PTPRD: variants seen among roughly 807,000 people sequenced by gnomAD.
The protein encoded by PTPRD is protein tyrosine phosphatase receptor type D, also known as receptor-type tyrosine-protein phosphatase delta.
Under a neutral mutation model 214.5 loss-of-function variants are expected in PTPRD, and 34 were observed. The ratio of observed to expected loss-of-function variants is 0.16; its 90% CI spans 0.12 to 0.21. The LOEUF (loss-of-function observed/expected upper bound fraction) is 0.21. Ranked by LOEUF, PTPRD falls within the 10% of genes least tolerant of loss-of-function variation. The pLI, the probability that PTPRD is intolerant of heterozygous loss-of-function variation, is 1.00. For synonymous variants in PTPRD, 1,128 were observed against 845.7 expected (o/e 1.33, Z -5.79); for missense variants, 2,545 against 2,398.7 (o/e 1.06, Z -1.27).
chr9:9,595,817 G>T (rs1305743758), intron 7 of PTPRD, among the ~76,000 whole-genome samples: 2 of 151,888 alleles, frequency 1.3e-5, no homozygotes, highest in African/African-American at 2.4e-5. Context: ...GGGGGAGAAG[G>T]ATAAAAGACT....
At chr9:10,290,606 C>T (rs2095500004) in intron 3 of PTPRD, among the ~76,000 whole-genome samples, 2 of 151,962 alleles carry the variant, frequency 1.3e-5, no homozygotes, top group Admixed American at 1.3e-4. Flanking sequence ...ATTATTGACT[C>T]CTGCAATAGG....
At chr9:8,459,129 G>A (rs2096302275) in intron 33 of PTPRD, among the ~76,000 whole-genome samples, 1 of 151,874 alleles carries the variant, frequency 6.6e-6, no homozygotes, top group South Asian at 2.1e-4. Context: ...GTTATTCCAG[G>A]GACAGAAGAG....
At position 8,538,670 on chromosome 9, in the gene PTPRD, T is replaced by C. The variant is rs185625133; in HGVS notation, c.353-9891A>G. On this transcript the variant is annotated intron_variant, in intron 14 of 45. Coordinates refer to ENST00000381196, the MANE Select transcript of PTPRD (RefSeq NM_002839.4). ...ACATATACTATACATATTTTAAATA[T>C]ATATGTATACATATATATATGACTT... Among the ~76,000 whole-genome samples, 531 of 151,402 alleles carry C rather than the reference T, an allele frequency of 3.5e-3. 1 individual carries two copies. Among genetic ancestry groups the C allele is most frequent in the African/African-American group, 4.5e-3 (187 of 41,378 alleles).
chr9:9,749,197 A>G (rs1767335140), intron 6 of PTPRD, among the ~76,000 whole-genome samples: 1 of 152,012 alleles, frequency 6.6e-6, no homozygotes, highest in South Asian at 2.1e-4. Context: ...TTCAAATCTC[A>G]GTCAATTTCT....
intron 8 of PTPRD, among the ~76,000 whole-genome samples, chr9:9,452,139 A>G (rs1466459835): frequency 6.6e-6 from 1 of 151,470 alleles, no homozygotes; most frequent in Non-Finnish European, 1.5e-5. Context: ...AATGCCAAAA[A>G]CAAAGAGATA....
chr9:9,260,268 T>TA (rs1316519124), intron 9 of PTPRD, among the ~76,000 whole-genome samples: 1 of 151,766 alleles, frequency 6.6e-6, no homozygotes, highest in East Asian at 2.0e-4. Flanking sequence ...ACTTGAAATA[T>TA]GGAAACATTA....
chr9:8,581,793 G>A (rs1594466199), intron 14 of PTPRD, among the ~76,000 whole-genome samples: 1 of 141,396 alleles, frequency 7.1e-6, no homozygotes, highest in South Asian at 2.3e-4. Context: ...GGGGAGGGGA[G>A]GAGAGGTGAG....
In PTPRD at chr9:9,947,728, G is replaced by A. The variant is rs907790903; in HGVS notation, c.-471-9118C>T. Among the ~76,000 whole-genome samples, 3 of 138,520 alleles carry A rather than the reference G, an allele frequency of 2.2e-5. No individual in the cohort carries two copies. The Admixed American group carries it at 2.5e-4, about 12-fold the overall frequency. 90.9% of individuals were successfully genotyped at this position (138,520 alleles called of 152,430 possible). A position where few individuals can be genotyped will look rare whatever the true frequency, so the allele number is the denominator to read the frequency against. ...TTTGGTTCTAAGGACTAAAATACTT[G>A]AAGTTAGCACTGTTGTGAGAAGTTC... On this transcript the variant is annotated intron_variant, in intron 4 of 45. Coordinates refer to ENST00000381196, the MANE Select transcript of PTPRD (RefSeq NM_002839.4).
At chr9:9,648,450 G>A (rs958028103) in intron 7 of PTPRD, among the ~76,000 whole-genome samples, 3 of 152,174 alleles carry the variant, frequency 2.0e-5, no homozygotes, top group African/African-American at 7.2e-5. Context: ...TTTATCTAAT[G>A]AGGAAGTGAG....
chr9:9,363,324 T>C (rs937374144), intron 9 of PTPRD, among the ~76,000 whole-genome samples: 1 of 151,170 alleles, frequency 6.6e-6, no homozygotes, highest in Non-Finnish European at 1.5e-5. Context: ...GACCCAGATT[T>C]AGAAATCCTC....
At chr9:9,672,637 T>A (rs987504263) in intron 7 of PTPRD, among the ~76,000 whole-genome samples, 1 of 152,076 alleles carries the variant, frequency 6.6e-6, no homozygotes, top group Non-Finnish European at 1.5e-5. Flanking sequence ...TGAAGTAAAT[T>A]TTTGAGCTCT....
At chr9:9,961,877 T>G (rs1329775686) in intron 4 of PTPRD, among the ~76,000 whole-genome samples, 1 of 152,160 alleles carries the variant, frequency 6.6e-6, no homozygotes, top group African/African-American at 2.4e-5. Flanking sequence ...TTATTTCCAC[T>G]AGTGCTTTTA....
chr9:9,711,247 GAA>G (rs2097723436), intron 7 of PTPRD, among the ~76,000 whole-genome samples: 2 of 152,266 alleles, frequency 1.3e-5, no homozygotes, highest in South Asian at 4.1e-4. Context: ...TTTGTGAGCA[GAA>G]ATATGCCATA....
intron 8 of PTPRD, among the ~76,000 whole-genome samples, chr9:9,561,362 C>A (rs1011171906): frequency 6.6e-6 from 1 of 152,208 alleles, no homozygotes; most frequent in African/African-American, 2.4e-5. Context: ...AAGCTGTAAC[C>A]TAAACAGTGT....
At chr9:8,718,283 G>C (rs1294940602) in intron 12 of PTPRD, among the ~76,000 whole-genome samples, 1 of 152,146 alleles carries the variant, frequency 6.6e-6, no homozygotes, top group Non-Finnish European at 1.5e-5. Flanking sequence ...AGGGGTGTCA[G>C]ATTCATTTGT....
At chr9:10,059,584 G>T (rs901251522) in intron 3 of PTPRD, among the ~76,000 whole-genome samples, 9 of 152,078 alleles carry the variant, frequency 5.9e-5, no homozygotes, top group African/African-American at 1.9e-4. Flanking sequence ...GAGAATTTAG[G>T]TGCTTAGCAT....
At position 10,162,412 on chromosome 9, in the gene PTPRD, A is replaced by G. The variant is rs59385028; in HGVS notation, c.-544-128622T>C. Among the ~76,000 whole-genome samples the G allele has an allele frequency of 5.3e-3, 806 of 151,428 alleles. 7 individuals carry two copies. The highest frequency in any genetic ancestry group is 0.019 in the African/African-American group (773 of 41,442). On this transcript the variant is annotated intron_variant, in intron 3 of 45. Transcript: ENST00000381196. ...TTTGCAGCAATATTAATGAAACTGT[A>G]TATCATTATATTAAGTGAGATAAGC...
intron 5 of PTPRD, among the ~76,000 whole-genome samples, chr9:9,784,215 C>G (rs543795284): frequency 2.0e-5 from 3 of 152,038 alleles, no homozygotes; most frequent in African/African-American, 4.8e-5. Flanking sequence ...TTAGGAAGAG[C>G]TGTACAAAGG....
intron 20 of PTPRD, among the ~76,000 whole-genome samples, 169 bp downstream of exon 20, chr9:8,521,108 A>C (rs1430728434): frequency 6.6e-6 from 1 of 152,168 alleles, no homozygotes; most frequent in African/African-American, 2.4e-5. Context: ...AAATCCGCCT[A>C]TCTAGGCTTA....
Sources: gnomAD v4.1 joint callset for allele counts (sites outside exome capture counted in the v4.1 genomes callset) on GRCh38, gnomAD v4.1.1 for gene constraint, MANE v1.5 for transcripts, NCBI Gene and HGNC (gene_info 2026-07-23, HGNC 2026-07-21) for gene names.